MBOAT1: variants seen among roughly 807,000 people sequenced by gnomAD.
The protein encoded by MBOAT1 is membrane bound glycerophospholipid O-acyltransferase 1.
A neutral mutation model predicts 64.4 loss-of-function variants in MBOAT1; 67 were observed. That is an observed-to-expected ratio of 1.04 (90% CI 0.85 to 1.27). MBOAT1 has a LOEUF of 1.27. MBOAT1 is among the 50% of genes most tolerant of loss of function. MBOAT1 has a pLI of 0.00. For missense variants in MBOAT1, 563 were observed against 604.6 expected (o/e 0.93, Z 0.72); for synonymous variants, 229 against 218.9 (o/e 1.05, Z -0.41).
chr6:20,184,880 AGT>A (rs58865791), intron 1 of MBOAT1, among the ~76,000 whole-genome samples: 11,468 of 142,786 alleles, frequency 0.08, 526 homozygotes, highest in East Asian at 0.18. Context: ...TTATAACTGC[AGT>A]GTGTGTGTGT....
rs1256708937 is a variant in MBOAT1, at chr6:20,168,526, A to AG, written c.100-15758dup. On this transcript the variant is annotated intron_variant, in intron 1 of 12. Coordinates refer to ENST00000324607, the MANE Select transcript of MBOAT1 (RefSeq NM_001080480.3). ...GAGAGAGGAGAGGAGAGGAGAGGAGAGAAGAGGAGAGGAGAGGAGAGGGAA... is the reference window on the plus strand; with the variant it reads ...GAGAGAGGAGAGGAGAGGAGAGGAGAGGAAGAGGAGAGGAGAGGAGAGGGAA... Among the ~76,000 whole-genome samples, 376 of 137,298 alleles carry AG rather than the reference A, an allele frequency of 2.7e-3. 5 individuals carry two copies. Among genetic ancestry groups the AG allele is most frequent in the Non-Finnish European group, 5.0e-3 (308 of 61,746 alleles). 90.1% of individuals were successfully genotyped at this position (137,298 alleles called of 152,430 possible).
chr6:20,211,428 T>C (rs551878132), intron 1 of MBOAT1, among the ~76,000 whole-genome samples: 2 of 152,312 alleles, frequency 1.3e-5, no homozygotes, highest in East Asian at 3.9e-4. Context: ...TAAGACGGGC[T>C]TCATCTTCAG....
intron 1 of MBOAT1, among the ~76,000 whole-genome samples, chr6:20,153,741 C>T (rs1761595994): frequency 6.6e-6 from 1 of 152,078 alleles, no homozygotes; most frequent in African/African-American, 2.4e-5. Flanking sequence ...AGGGTAGACA[C>T]CAAATTTCCT....
chr6:20,122,758 C>G (rs1760530779), intron 8 of MBOAT1, among the ~76,000 whole-genome samples: 1 of 151,948 alleles, frequency 6.6e-6, no homozygotes, highest in African/African-American at 2.4e-5. Context: ...TGTGAATGAA[C>G]TTAATACCAC....
intron 1 of MBOAT1, among the ~76,000 whole-genome samples, chr6:20,209,050 T>TC (rs1261075450): frequency 6.6e-6 from 1 of 152,092 alleles, no homozygotes; most frequent in African/African-American, 2.4e-5. Flanking sequence ...ATTCCTTGAT[T>TC]CCCCCAAAAC....
chr6:20,165,920 G>A (rs966230444), intron 1 of MBOAT1, among the ~76,000 whole-genome samples: 3 of 151,918 alleles, frequency 2.0e-5, no homozygotes. Context: ...AAGCCATAGA[G>A]TTCATTTTTT....
intron 4 of MBOAT1, among the ~76,000 whole-genome samples, chr6:20,137,237 C>G (rs1357662593): frequency 2.0e-5 from 3 of 152,160 alleles, no homozygotes; most frequent in African/African-American, 7.2e-5. Context: ...TCTCATTTCA[C>G]AGTGTTTACA....
At position 20,151,264 on chromosome 6, in the gene MBOAT1, T is replaced by C; in HGVS notation, c.246-2A>G. ...AGCACAAAAAGATGCACAGAGTACC[T>C]TTAAGACATAATAGTAGGGGGAGGA... On this transcript the variant is annotated splice_acceptor_variant, in intron 2 of 12. Coordinates refer to ENST00000324607, the MANE Select transcript of MBOAT1 (RefSeq NM_001080480.3). LOFTEE classifies it high-confidence loss of function. 1 of 1,606,392 alleles carries C rather than the reference T, an allele frequency of 6.2e-7. No individual in the cohort carries two copies. Among genetic ancestry groups the C allele is most frequent in the Non-Finnish European group, 8.5e-7 (1 of 1,173,814 alleles).
At chr6:20,150,562 CTTTTTTTTT>C (rs537125848) in intron 3 of MBOAT1, among the ~76,000 whole-genome samples, 1 of 134,852 alleles carries the variant, frequency 7.4e-6, no homozygotes, top group African/African-American at 2.8e-5. Context: ...TTTCTTTTTC[CTTTTTTTTT>C]TTTTTTTTGA....
intron 1 of MBOAT1, among the ~76,000 whole-genome samples, chr6:20,182,890 A>G (rs987326177): frequency 7.2e-5 from 11 of 152,210 alleles, no homozygotes; most frequent in African/African-American, 2.7e-4. Context: ...GGGGGTGACA[A>G]TGGAACTCTC....
At chr6:20,136,604 C>G (rs1364126353) in intron 4 of MBOAT1, among the ~76,000 whole-genome samples, 1 of 152,090 alleles carries the variant, frequency 6.6e-6, no homozygotes, top group Non-Finnish European at 1.5e-5. Context: ...AAACACTGTC[C>G]ACGGAACAAT....
Position 20,124,443 on chromosome 6 carries a change from G to A in MBOAT1, c.872C>T (p.Ala291Val). 1.2e-6 allele frequency: 2 copies of A among 1,614,128 alleles called. No homozygotes were observed. Among genetic ancestry groups the A allele is most frequent in the South Asian group, 1.1e-5 (1 of 91,078 alleles). ...RLCYLYVVMQ[A>V]SKPKYYFAWT... is the part of the protein sequence containing the mutation. ...TGCAAAGTAATACTTGGGCTTTGAG[G>A]CTTGCATGACAACATATAAGTAGCA... The change falls in exon 8 of 13, where the codon GCC becomes GTC. Residue 291 changes from alanine to valine, a missense_variant. Physicochemically the swap from Ala to Val is moderately conservative, Grantham distance 64. Coordinates refer to ENST00000324607, the MANE Select transcript of MBOAT1 (RefSeq NM_001080480.3).
rs373570941 is a variant in MBOAT1 at position 20,102,410 on chromosome 6, G to T, written c.1364C>A (p.Ser455Tyr). 1.0e-5 allele frequency: 16 copies of T among 1,597,580 alleles called. No homozygotes were observed. In the African/African-American group the frequency reaches 2.2e-4, roughly 22 times the overall value. ...AVEPTISLYK[S>Y]MYFYLHIISL... ...TATGATGTGCAAATAAAAGTACATG[G>T]ACCTGGGAATAAAAATATACAAAAA... Residue 455 changes from serine to tyrosine, a missense_variant and splice_region_variant, in exon 13 of 13, where the codon TCC (serine) becomes TAC (tyrosine). Ser to Tyr is a moderately radical substitution (Grantham distance 144). Coordinates refer to ENST00000324607, the MANE Select transcript of MBOAT1 (RefSeq NM_001080480.3).
At chr6:20,118,216 T>TGAACCATTA (rs1276478607) in intron 9 of MBOAT1, among the ~76,000 whole-genome samples, 30 of 151,764 alleles carry the variant, frequency 2.0e-4, no homozygotes, top group Non-Finnish European at 1.5e-5. Context: ...CATTCTTCCT[T>TGAACCATTA]GAACCATTAG....
Position 20,184,047 on chromosome 6 carries a change from A to G in MBOAT1, c.99+28089T>C, listed in dbSNP as rs373198562. Among the ~76,000 whole-genome samples the G allele has an allele frequency of 5.9e-5, 9 of 152,336 alleles. No individual in the cohort carries two copies. In the South Asian group the frequency reaches 1.9e-3, roughly 32 times the overall value. On this transcript the variant is annotated intron_variant, in intron 1 of 12. Transcript: ENST00000324607. ...TATCTCCCCCTGTGTCCCTCACATA[A>G]CACGTGGGAATTCTGGGAAACACAA...
At chr6:20,103,727 A>G (rs1337310656) in intron 12 of MBOAT1, among the ~76,000 whole-genome samples, 1 of 152,204 alleles carries the variant, frequency 6.6e-6, no homozygotes, top group African/African-American at 2.4e-5. Flanking sequence ...ATGCCCGGCC[A>G]CCATGTTTGT....
At chr6:20,109,848 T>C in intron 11 of MBOAT1, 99 bp from the exon 12 acceptor site, 1 of 1,158,586 alleles carries the variant, frequency 8.6e-7, no homozygotes, top group East Asian at 2.9e-5. Context: ...GAACATGGGC[T>C]ACAGAAGATA....
chr6:20,206,182 C>CTT (rs373755311), intron 1 of MBOAT1, among the ~76,000 whole-genome samples: 1,816 of 151,394 alleles, frequency 0.012, 15 homozygotes, highest in Non-Finnish European at 0.018. Flanking sequence ...TTTTCTTTTT[C>CTT]TTTTTTTTTG....
At chr6:20,179,535 A>G (rs1581448969) in intron 1 of MBOAT1, among the ~76,000 whole-genome samples, 2 of 152,138 alleles carry the variant, frequency 1.3e-5, no homozygotes, top group African/African-American at 4.8e-5. Flanking sequence ...TATGTACCAC[A>G]TTTTCTTTAT....
Sources: allele counts gnomAD v4.1 joint callset (sites outside exome capture counted in the v4.1 genomes callset), GRCh38; gene constraint gnomAD v4.1.1; transcripts MANE v1.5; gene names NCBI Gene and HGNC (gene_info 2026-07-23, HGNC 2026-07-21).